CHCHD3: variants seen among roughly 807,000 people sequenced by gnomAD.
The protein encoded by CHCHD3 is coiled-coil-helix-coiled-coil-helix domain containing 3, also known as MICOS complex subunit MIC19.
Under a neutral mutation model 38.2 loss-of-function variants are expected in CHCHD3, and 20 were observed. The observed-to-expected ratio is 0.52, with a 90% confidence interval of 0.37 to 0.76. The LOEUF (loss-of-function observed/expected upper bound fraction) is 0.76, where lower values mean the gene tolerates loss of function less well. CHCHD3 is among the 30% of genes least tolerant of loss of function. The pLI is 0.00. For missense variants in CHCHD3, 245 were observed against 279.2 expected (o/e 0.88, Z 0.87); for synonymous variants, 82 against 100.0 (o/e 0.82, Z 1.07).
intron 4 of CHCHD3, among the ~76,000 whole-genome samples, chr7:132,903,474 G>A (rs1044315821): frequency 6.6e-6 from 1 of 152,090 alleles, no homozygotes; most frequent in Non-Finnish European, 1.5e-5. Context: ...ACAAGTTGCA[G>A]AAAAGTGACC....
intron 2 of CHCHD3, among the ~76,000 whole-genome samples, chr7:133,029,296 T>C (rs1813437032): frequency 6.6e-6 from 1 of 152,184 alleles, no homozygotes; most frequent in Non-Finnish European, 1.5e-5. Context: ...TTGGGGACAC[T>C]TAAAATTTGT....
rs1371298683 is a variant in CHCHD3, at chr7:132,788,689, A to G, written c.661-3029T>C. Among the ~76,000 whole-genome samples, 2 of 152,190 alleles carry G rather than the reference A, an allele frequency of 1.3e-5. No individual in the cohort carries two copies. The highest frequency in any genetic ancestry group is 4.8e-5 in the African/African-American group (2 of 41,456). On this transcript the variant is annotated intron_variant, in intron 7 of 7. Transcript: ENST00000262570. This position sits in a 1 kb window ranked among gnomAD's most constrained non-coding sequence, Gnocchi z 4.0. ...AGGCCAGTCTCACATAAAGACACTAAAAGAAGTAACATTTTAATAACCCCT... is the reference window on the plus strand; with the variant it reads ...AGGCCAGTCTCACATAAAGACACTAGAAGAAGTAACATTTTAATAACCCCT...
At chr7:133,068,835 G>A (rs1814743373) in intron 2 of CHCHD3, among the ~76,000 whole-genome samples, 1 of 152,216 alleles carries the variant, frequency 6.6e-6, no homozygotes. Context: ...GAAAGACAGA[G>A]AAGAAAAGCA....
chr7:132,902,259 G>T (rs1352309127), intron 4 of CHCHD3, among the ~76,000 whole-genome samples: 1 of 152,168 alleles, frequency 6.6e-6, no homozygotes, highest in African/African-American at 2.4e-5. Flanking sequence ...AGACAGTGTG[G>T]CGATTCCTCA....
chr7:133,080,297 T>C (rs1437934694), intron 1 of CHCHD3, among the ~76,000 whole-genome samples: 1 of 152,202 alleles, frequency 6.6e-6, no homozygotes, highest in Non-Finnish European at 1.5e-5. Flanking sequence ...TTTTAGACAA[T>C]TTTTCCATTT....
chr7:133,081,837 G>A lies in CHCHD3; in HGVS notation c.81+20C>T, dbSNP rs1270291979. On this transcript the variant is annotated intron_variant, in intron 1 of 7. Transcript: ENST00000262570. ...GTCCGAGTCCAACCACTGGCCCTCCGCCCGTCCACGGGCACTCACCCGGAT... is the reference window on the plus strand; with the variant it reads ...GTCCGAGTCCAACCACTGGCCCTCCACCCGTCCACGGGCACTCACCCGGAT... 1.3e-6 allele frequency: 2 copies of A among 1,551,554 alleles called. No individual in the cohort carries two copies. Among genetic ancestry groups the A allele is most frequent in the Non-Finnish European group, 1.7e-6 (2 of 1,146,718 alleles).
chr7:133,021,715 G>T (rs956161546), intron 3 of CHCHD3, among the ~76,000 whole-genome samples: 2 of 152,126 alleles, frequency 1.3e-5, no homozygotes, highest in African/African-American at 4.8e-5. Context: ...CTAGATATGT[G>T]GATGAAACAA....
chr7:132,984,742 C>T (rs1386862758), intron 3 of CHCHD3, among the ~76,000 whole-genome samples: 1 of 149,818 alleles, frequency 6.7e-6, no homozygotes, highest in African/African-American at 2.5e-5. Flanking sequence ...AGACCCTCTG[C>T]CTGGCAACCG....
At chr7:133,074,188 C>T (rs1405121429) in intron 1 of CHCHD3, among the ~76,000 whole-genome samples, 1 of 152,182 alleles carries the variant, frequency 6.6e-6, no homozygotes, top group Non-Finnish European at 1.5e-5. Context: ...ATTCATTCAA[C>T]AAATGTCTCC....
At position 133,047,253 on chromosome 7, in the gene CHCHD3, TCA is replaced by T. The variant is rs1027926607; in HGVS notation, c.170-22628_170-22627del. Among the ~76,000 whole-genome samples the T allele has an allele frequency of 3.5e-4, 53 of 152,138 alleles. 1 individual carries two copies. Among genetic ancestry groups the T allele is most frequent in the Non-Finnish European group, 3.7e-4 (25 of 68,036 alleles). On this transcript the variant is annotated intron_variant, in intron 2 of 7. Transcript: ENST00000262570. ...CAAGACAAAGGTAAAAGAGAACATT[TCA>T]CAGTTTTATAATCCCAACTCTACAA...
chr7:132,805,686 G>A (rs1236852221), intron 6 of CHCHD3, among the ~76,000 whole-genome samples: 1 of 152,176 alleles, frequency 6.6e-6, no homozygotes, highest in Non-Finnish European at 1.5e-5. Flanking sequence ...CAGATGGATA[G>A]AAGTGGAACT....
chr7:133,005,840 TACTC>T (rs1285093007), intron 3 of CHCHD3, among the ~76,000 whole-genome samples: 3 of 152,234 alleles, frequency 2.0e-5, no homozygotes, highest in African/African-American at 7.2e-5. Flanking sequence ...TAAGGTGTAA[TACTC>T]ACCAGTTAAC....
intron 6 of CHCHD3, among the ~76,000 whole-genome samples, chr7:132,812,555 C>T (rs1807100127): frequency 1.3e-5 from 2 of 152,108 alleles, no homozygotes; most frequent in South Asian, 2.1e-4. Flanking sequence ...CTAGTCTGAA[C>T]CACCATAACC....
intron 1 of CHCHD3, among the ~76,000 whole-genome samples, chr7:133,081,559 G>T (rs1427299769): frequency 6.6e-6 from 1 of 152,168 alleles, no homozygotes; most frequent in African/African-American, 2.4e-5. Flanking sequence ...TTCAAATACG[G>T]TCCTGCAACA....
intron 2 of CHCHD3, among the ~76,000 whole-genome samples, chr7:133,055,707 T>G (rs1304128192): frequency 2.0e-5 from 3 of 150,762 alleles, no homozygotes; most frequent in Non-Finnish European, 3.0e-5. Flanking sequence ...AAGAGAAAAA[T>G]ATAGATAAAA....
At position 133,030,881 on chromosome 7, in the gene CHCHD3, C is replaced by T. The variant is rs544996075; in HGVS notation, c.170-6254G>A. The stretch of plus-strand genomic sequence containing the variant: ...TAGTTCTAGCAAGTGTGGCTCTAAA[C>T]CATTTACTTGAAACCATTACTGAAA... On this transcript the variant is annotated intron_variant, in intron 2 of 7. Transcript: ENST00000262570. Among the ~76,000 whole-genome samples, 143 of 152,216 alleles carry T rather than the reference C, an allele frequency of 9.4e-4. 3 individuals are homozygous for T. Among genetic ancestry groups the T allele is most frequent in the African/African-American group, 3.4e-3 (141 of 41,552 alleles).
Position 132,980,185 on chromosome 7 carries a change from T to A in CHCHD3, c.252-4899A>T, listed in dbSNP as rs374628472. ...AGTGGAGCTATAAAATCAGAAGCCA[T>A]GTTGTTTTGGGAACACTTCACTAAG... On this transcript the variant is annotated intron_variant, in intron 3 of 7. Transcript: ENST00000262570. Among the ~76,000 whole-genome samples the A allele has an allele frequency of 2.0e-4, 30 of 152,322 alleles. No individual in the cohort carries two copies. The East Asian group carries it at 2.1e-3, about 11-fold the overall frequency.
At chr7:132,932,637 A>G (rs766931923) in intron 4 of CHCHD3, among the ~76,000 whole-genome samples, 2 of 152,228 alleles carry the variant, frequency 1.3e-5, no homozygotes, top group African/African-American at 2.4e-5. Flanking sequence ...AAGGCAGACC[A>G]CTGATAGACA....
chr7:132,810,822 C>T (rs1386904938), intron 6 of CHCHD3, among the ~76,000 whole-genome samples: 1 of 152,122 alleles, frequency 6.6e-6, no homozygotes, highest in East Asian at 1.9e-4. Flanking sequence ...GAATGGCTGC[C>T]TTATGACAGC....
Sources: gnomAD v4.1 joint callset for allele counts (sites outside exome capture counted in the v4.1 genomes callset) on GRCh38, gnomAD v4.1.1 for gene constraint, Gnocchi (gnomAD v3.1) non-coding constraint, MANE v1.5 for transcripts, NCBI Gene and HGNC (gene_info 2026-07-23, HGNC 2026-07-21) for gene names.